CLASP1: variants seen among roughly 807,000 people sequenced by gnomAD.
CLASP1 encodes the protein cytoplasmic linker associated protein 1, also known as CLIP-associating protein 1.
In CLASP1, 38 loss-of-function variants were observed where a neutral mutation model predicts 192.3. The observed-to-expected ratio is 0.20, with a 90% CI of 0.15 to 0.26. The LOEUF (loss-of-function observed/expected upper bound fraction) is 0.26, where lower values mean the gene tolerates loss of function less well. Ranked by LOEUF, CLASP1 falls within the 10% of genes least tolerant of loss-of-function variation. CLASP1 has a pLI of 1.00. For missense variants in CLASP1, 1,433 were observed against 1,932.5 expected (o/e 0.74, Z 4.85); for synonymous variants, 691 against 712.8 (o/e 0.97, Z 0.49).
intron 2 of CLASP1, among the ~76,000 whole-genome samples, chr2:121,556,620 T>TA (rs763259274): frequency 2.0e-5 from 3 of 152,188 alleles, no homozygotes; most frequent in Non-Finnish European, 4.4e-5. Flanking sequence ...TTAACATGCT[T>TA]ATTGGCTCCT....
At chr2:121,419,342 T>A (rs546553626) in intron 22 of CLASP1, among the ~76,000 whole-genome samples, 6 of 151,794 alleles carry the variant, frequency 4.0e-5, no homozygotes, top group African/African-American at 9.7e-5. Flanking sequence ...ACATATCCAA[T>A]TCTCGAAACC....
At chr2:121,569,077 T>C (rs1576076331) in intron 2 of CLASP1, among the ~76,000 whole-genome samples, 2 of 152,282 alleles carry the variant, frequency 1.3e-5, no homozygotes, top group Middle Eastern at 3.4e-3. Context: ...GTGGCCACCA[T>C]GTCCCAAGCA....
At chr2:121,520,532 G>A (rs2094434072) in intron 6 of CLASP1, among the ~76,000 whole-genome samples, 2 of 152,334 alleles carry the variant, frequency 1.3e-5, no homozygotes, top group Admixed American at 1.3e-4. Flanking sequence ...CCTGAGCTCT[G>A]TCCAGCTGGA....
chr2:121,513,189 C>T (rs181740710), intron 7 of CLASP1: 1 of 152,280 alleles, frequency 6.6e-6, no homozygotes, highest in Admixed American at 6.5e-5. Context: ...GTAGTAAATG[C>T]AAGGAAACTT....
In CLASP1 at chr2:121,530,425, C is replaced by T. The variant is rs186465344; in HGVS notation, c.196-100G>A. 1.4e-4 allele frequency: 124 copies of T among 865,214 alleles called. No homozygotes were observed. The East Asian group carries it at 3.3e-3, about 23-fold the overall frequency. 53.6% of individuals were successfully genotyped at this position (865,214 alleles called of 1,614,324 possible). On this transcript the variant is annotated intron_variant, in intron 2 of 39. Transcript: ENST00000263710. ...GGCCTAGACATTTCCGGCCCAGACG[C>T]AGTCCGAGAGTCCAGACGCATGCCG...
intron 29 of CLASP1, 148 bp downstream of exon 30, chr2:121,398,174 G>A (rs891883808): frequency 2.3e-5 from 15 of 653,018 alleles, no homozygotes; most frequent in Non-Finnish European, 3.9e-5. Context: ...TGAACCAAGA[G>A]AAACAGGAAC....
chr2:121,349,515 T>G (rs1573590099), intron 37 of CLASP1, among the ~76,000 whole-genome samples: 1 of 152,188 alleles, frequency 6.6e-6, no homozygotes, highest in South Asian at 2.1e-4. Flanking sequence ...GTGGGACACC[T>G]ACAACTGGAG....
At chr2:121,474,140 T>C (rs2091246597) in intron 8 of CLASP1, among the ~76,000 whole-genome samples, 3 of 152,264 alleles carry the variant, frequency 2.0e-5, no homozygotes, top group Admixed American at 6.5e-5. Context: ...CAAAAATATT[T>C]AGCTTTCATT....
chr2:121,451,346 G>A (rs2085436438), intron 15 of CLASP1, among the ~76,000 whole-genome samples: 1 of 152,162 alleles, frequency 6.6e-6, no homozygotes, highest in Admixed American at 6.5e-5. Flanking sequence ...TTTCACATCA[G>A]AACTAGTTTC....
At chr2:121,522,469 T>C (rs750248589) in intron 6 of CLASP1, among the ~76,000 whole-genome samples, 1 of 152,198 alleles carries the variant, frequency 6.6e-6, no homozygotes, top group Non-Finnish European at 1.5e-5. Flanking sequence ...AGGCAGGAAG[T>C]GCTAACTTGA....
chr2:121,348,229 G>C (rs1028645098), intron 38 of CLASP1, among the ~76,000 whole-genome samples: 2 of 152,194 alleles, frequency 1.3e-5, no homozygotes, highest in Non-Finnish European at 2.9e-5. Flanking sequence ...ATAAGGGTTT[G>C]TTGAAAGAAT....
chr2:121,339,129 CACCACACA>C (rs2062582948), exon 40 of CLASP1: 6 of 129,018 alleles, frequency 4.7e-5, no homozygotes, highest in African/African-American at 2.2e-4. Context: ...ACACACACAA[CACCACACA>C]CACACACACA....
intron 5 of CLASP1, among the ~76,000 whole-genome samples, chr2:121,527,437 A>C (rs2094600959): frequency 6.6e-6 from 1 of 152,216 alleles, no homozygotes; most frequent in Non-Finnish European, 1.5e-5. Flanking sequence ...AATCATAGGG[A>C]GGGAGAACAG....
At chr2:121,499,438 T>A (rs1202536582) in intron 8 of CLASP1, among the ~76,000 whole-genome samples, 1 of 151,218 alleles carries the variant, frequency 6.6e-6, no homozygotes, top group Admixed American at 6.6e-5. Context: ...TAAGTGCTAA[T>A]GGGAATGGGA....
At chr2:121,428,535 G>C (rs940405227) in intron 20 of CLASP1, among the ~76,000 whole-genome samples, 1 of 152,182 alleles carries the variant, frequency 6.6e-6, no homozygotes, top group African/African-American at 2.4e-5. Context: ...CATCACTAGG[G>C]TTCAACAGAA....
At chr2:121,631,036 AT>A (rs1046413650) in intron 1 of CLASP1, among the ~76,000 whole-genome samples, 5 of 149,878 alleles carry the variant, frequency 3.3e-5, no homozygotes, top group African/African-American at 1.2e-4. Flanking sequence ...GCAGGCGCCC[AT>A]AGTCCCAGCT....
intron 3 of CLASP1, 28 bp downstream of exon 3, chr2:121,530,219 G>A (rs2094732514): frequency 6.5e-7 from 1 of 1,541,216 alleles, no homozygotes; most frequent in African/African-American, 1.4e-5. Context: ...GAAGGGGCCG[G>A]GTCCGCTCCA....
At chr2:121,407,214 C>CAAA (rs34241757) in intron 25 of CLASP1, among the ~76,000 whole-genome samples, 1 of 104,718 alleles carries the variant, frequency 9.5e-6, no homozygotes, top group Non-Finnish European at 2.2e-5. Context: ...GATTCCATCT[C>CAAA]AAAAAAAAAA....
At chr2:121,479,247 A>G (rs1394039239) in intron 8 of CLASP1, among the ~76,000 whole-genome samples, 2 of 152,114 alleles carry the variant, frequency 1.3e-5, no homozygotes, top group Non-Finnish European at 2.9e-5. Context: ...AACTAAAACT[A>G]TCTCCATTTA....
Sources: allele counts gnomAD v4.1 joint callset (sites outside exome capture counted in the v4.1 genomes callset), GRCh38; gene constraint gnomAD v4.1.1; transcripts MANE v1.5; gene names NCBI Gene and HGNC (gene_info 2026-07-23, HGNC 2026-07-21).